Variants in FGF12 observed in about 807,000 individuals in gnomAD.
FGF12 encodes fibroblast growth factor 12.
FGF12 carries 14 observed loss-of-function variants against 23.6 expected under a neutral mutation model. That is an observed-to-expected ratio of 0.59 (90% confidence interval 0.39 to 0.93). The LOEUF (loss-of-function observed/expected upper bound fraction) is 0.93. Among genes scored for constraint, FGF12 ranks in the 40% least tolerant of loss-of-function variants. The probability of loss-of-function intolerance (pLI) is 0.00; values close to 1 mark genes in which losing one functional copy is unlikely to be tolerated. For missense variants in FGF12, 175 were observed against 217.8 expected (o/e 0.80, Z 1.24); for synonymous variants, 62 against 77.3 (o/e 0.80, Z 1.04).
chr3:192,393,034 TG>T (rs1720375307), intron 2 of FGF12, among the ~76,000 whole-genome samples: 1 of 152,230 alleles, frequency 6.6e-6, no homozygotes, highest in Non-Finnish European at 1.5e-5. Context: ...ATAGTGTATG[TG>T]AAGATGGCTC....
chr3:192,142,555 A>G lies in FGF12; in HGVS notation c.*1454T>C, dbSNP rs960228947. ...ACTCCTGATTTGTAGGACTAAATAG[A>G]TCTATTTATTCCAATGCAAATTGTG... is the stretch of plus-strand genomic sequence containing the variant. On this transcript the variant is annotated 3_prime_UTR_variant, in exon 6 of 6. Transcript: ENST00000445105. 3.3e-5 allele frequency: 5 copies of G among 152,360 alleles called. No individual in the cohort carries two copies. Among genetic ancestry groups the G allele is most frequent in the African/African-American group, 1.2e-4 (5 of 41,360 alleles). 9.4% of individuals were successfully genotyped at this position (152,360 alleles called of 1,614,324 possible).
Position 192,612,361 on chromosome 3 carries a change from C to G in FGF12, c.13+114820G>C, listed in dbSNP as rs116762933. On this transcript the variant is annotated intron_variant, in intron 2 of 5. Coordinates refer to ENST00000445105, the MANE Select transcript of FGF12 (RefSeq NM_004113.6). ...GAAAGTAAATGAATCACTTGGAAGA[C>G]AGAGAAACGAAGTTTTGCTTTATTA... Among the ~76,000 whole-genome samples, 351 of 152,000 alleles carry G rather than the reference C, an allele frequency of 2.3e-3. 3 individuals carry two copies. Among genetic ancestry groups the G allele is most frequent in the African/African-American group, 8.0e-3 (330 of 41,506 alleles).
chr3:192,243,205 C>A (rs1719711777), intron 4 of FGF12, among the ~76,000 whole-genome samples: 2 of 151,784 alleles, frequency 1.3e-5, no homozygotes, highest in African/African-American at 4.8e-5. Context: ...TCTGAGAGAA[C>A]TGAAAAACCT....
chr3:192,479,237 C>T (rs147189620), intron 2 of FGF12, among the ~76,000 whole-genome samples: 2 of 152,124 alleles, frequency 1.3e-5, no homozygotes, highest in African/African-American at 4.8e-5. Context: ...TATATCAGTG[C>T]CATCTATGTT....
At chr3:192,166,153 G>T (rs1007380597) in intron 5 of FGF12, among the ~76,000 whole-genome samples, 2 of 152,188 alleles carry the variant, frequency 1.3e-5, no homozygotes, top group African/African-American at 4.8e-5. Flanking sequence ...ACATATCTTT[G>T]ATAGTAATGG....
chr3:192,505,804 A>G (rs920978338), intron 2 of FGF12, among the ~76,000 whole-genome samples: 3 of 152,212 alleles, frequency 2.0e-5, no homozygotes, highest in Non-Finnish European at 2.9e-5. Context: ...TTTATTTCTT[A>G]TCGAGGGTAA....
intron 5 of FGF12, among the ~76,000 whole-genome samples, chr3:192,147,996 C>CG (rs1713819676): frequency 6.8e-6 from 1 of 146,814 alleles, no homozygotes; most frequent in African/African-American, 2.5e-5. Flanking sequence ...AAATTGAAAC[C>CG]CTATTCATTT....
chr3:192,269,059 C>T (rs780024985), intron 4 of FGF12, among the ~76,000 whole-genome samples: 28 of 152,038 alleles, frequency 1.8e-4, no homozygotes, highest in South Asian at 4.2e-4. Context: ...GGATTACAGG[C>T]GTGTGCCACC....
intron 4 of FGF12, among the ~76,000 whole-genome samples, chr3:192,313,185 T>C (rs980382490): frequency 1.3e-5 from 2 of 152,204 alleles, no homozygotes; most frequent in African/African-American, 4.8e-5. Flanking sequence ...TTACATGTTA[T>C]TGTGTTCTCC....
At chr3:192,506,952 T>C (rs1197035620) in intron 2 of FGF12, among the ~76,000 whole-genome samples, 8 of 149,744 alleles carry the variant, frequency 5.3e-5, no homozygotes, top group Middle Eastern at 3.5e-3. Flanking sequence ...AGTGTAGTGG[T>C]GTGATCTCGG....
rs537599275 is a variant in FGF12, at chr3:192,208,902, T to C, written c.229-38246A>G. 2.0e-5 allele frequency among the ~76,000 whole-genome samples: 3 copies of C among 152,358 alleles called. No individual in the cohort carries two copies. The South Asian group carries it at 6.2e-4, about 32-fold the overall frequency. On this transcript the variant is annotated intron_variant, in intron 4 of 5. Transcript: ENST00000445105. ...GCATAAAGTGTAGTATTAGTGTTCC[T>C]TGTAGTACCTTCAGTTGAACTAGTT...
chr3:192,233,456 T>C (rs998788019), intron 4 of FGF12, among the ~76,000 whole-genome samples: 3 of 152,146 alleles, frequency 2.0e-5, no homozygotes, highest in South Asian at 2.1e-4. Flanking sequence ...CATTAGACCT[T>C]TGTTGGATGC....
chr3:192,203,326 A>G (rs770976492), intron 4 of FGF12, among the ~76,000 whole-genome samples: 1 of 152,170 alleles, frequency 6.6e-6, no homozygotes, highest in African/African-American at 2.4e-5. Flanking sequence ...GATATTCTCT[A>G]GTTAAAAGGA....
intron 2 of FGF12, among the ~76,000 whole-genome samples, chr3:192,521,051 G>A (rs994469976): frequency 2.0e-5 from 3 of 152,180 alleles, no homozygotes; most frequent in African/African-American, 7.2e-5. Context: ...AAAAGTATGT[G>A]TATAGATATT....
At chr3:192,289,530 G>A (rs1714643855) in intron 4 of FGF12, among the ~76,000 whole-genome samples, 4 of 152,222 alleles carry the variant, frequency 2.6e-5, no homozygotes, top group Admixed American at 6.5e-5. Context: ...ATTCTAAGTC[G>A]ATATGTGTGA....
chr3:192,331,137 A>T (rs1374131092), intron 4 of FGF12, among the ~76,000 whole-genome samples: 1 of 152,120 alleles, frequency 6.6e-6, no homozygotes, highest in Non-Finnish European at 1.5e-5. Context: ...TTATTAGAGA[A>T]ATGCAAATCA....
intron 2 of FGF12, among the ~76,000 whole-genome samples, chr3:192,453,692 G>A (rs1055832757): frequency 1.3e-5 from 2 of 152,062 alleles, no homozygotes; most frequent in African/African-American, 4.8e-5. Context: ...ACTTTTGCTT[G>A]TTTTATTGGG....
intron 2 of FGF12, among the ~76,000 whole-genome samples, chr3:192,432,254 T>A (rs1721880186): frequency 6.6e-6 from 1 of 152,160 alleles, no homozygotes; most frequent in Non-Finnish European, 1.5e-5. Context: ...TAAATAAGTG[T>A]ACTACAGGTC....
chr3:192,223,164 G>C (rs1305671891), intron 4 of FGF12, among the ~76,000 whole-genome samples: 1 of 152,010 alleles, frequency 6.6e-6, no homozygotes, highest in Non-Finnish European at 1.5e-5. Context: ...TTACTTACTA[G>C]AGGCGCCTGA....
Sources: allele counts gnomAD v4.1 joint callset (sites outside exome capture counted in the v4.1 genomes callset), GRCh38; gene constraint gnomAD v4.1.1; transcripts MANE v1.5; gene names NCBI Gene and HGNC (gene_info 2026-07-23, HGNC 2026-07-21).